The following CFAP20DC variants were observed in gnomAD, a reference collection of about 807,000 sequenced individuals.
CFAP20DC encodes the protein CFAP20 domain containing.
A neutral mutation model predicts 101.7 loss-of-function variants in CFAP20DC; 84 were observed. That is an observed-to-expected ratio of 0.83 (90% CI 0.69 to 0.99). The LOEUF (loss-of-function observed/expected upper bound fraction) is 0.99. CFAP20DC is among the 50% of genes least tolerant of loss of function. CFAP20DC has a pLI of 0.00. For missense variants in CFAP20DC, 1,007 were observed against 970.3 expected (o/e 1.04, Z -0.50); for synonymous variants, 359 against 351.2 (o/e 1.02, Z -0.25).
At chr3:58,773,794 T>C (rs1175411786) in intron 15 of CFAP20DC, among the ~76,000 whole-genome samples, 2 of 152,224 alleles carry the variant, frequency 1.3e-5, no homozygotes, top group African/African-American at 2.4e-5. Context: ...CCTGGGCTGA[T>C]ATCTGCAATG....
At chr3:58,768,432 C>G (rs187250499) in intron 15 of CFAP20DC, among the ~76,000 whole-genome samples, 2 of 152,110 alleles carry the variant, frequency 1.3e-5, no homozygotes, top group Non-Finnish European at 2.9e-5. Flanking sequence ...TGGTTTAACA[C>G]GAGCGGGAAT....
At position 58,914,822 on chromosome 3, in the gene CFAP20DC, A is replaced by G. The variant is rs923199627; in HGVS notation, c.394-958T>C. 6.6e-6 allele frequency: 1 copy of G among 152,140 alleles called. No individual in the cohort carries two copies. Among genetic ancestry groups the G allele is most frequent in the Non-Finnish European group, 1.5e-5 (1 of 68,014 alleles). 9.4% of individuals were successfully genotyped at this position (152,140 alleles called of 1,614,324 possible). A position where few individuals can be genotyped will look rare whatever the true frequency, so the allele number is the denominator to read the frequency against. On this transcript the variant is annotated intron_variant, in intron 5 of 16. Transcript: ENST00000482387. The surrounding 1 kb of genome is among the most constrained non-coding windows in gnomAD (Gnocchi z 4.9). ...CCGAAATACATTATTTATTAAATAC[A>G]TGAAGAGTATTTTCTATGTAGATGT...
At position 59,024,114 on chromosome 3, in the gene CFAP20DC, C is replaced by G. The variant is rs114554039; in HGVS notation, c.278+15443G>C. On this transcript the variant is annotated intron_variant, in intron 4 of 16. Coordinates refer to ENST00000482387, the MANE Select transcript of CFAP20DC (RefSeq NM_001394063.1). ...AAATTCTAAATGTATTACTACCTTG[C>G]CAATTTTAGGCCACCCATATCTTCA... Among the ~76,000 whole-genome samples the G allele has an allele frequency of 5.5e-3, 840 of 152,142 alleles. 4 individuals are homozygous for G. The highest frequency in any genetic ancestry group is 0.02 in the African/African-American group (811 of 41,532).
At chr3:58,853,479 T>C (rs1211920140) in intron 12 of CFAP20DC, among the ~76,000 whole-genome samples, 3 of 152,172 alleles carry the variant, frequency 2.0e-5, no homozygotes, top group African/African-American at 7.2e-5. Flanking sequence ...CCCTAAATCA[T>C]TTTATGAGGC....
chr3:58,743,717 G>GGGA (rs2068007668), intron 16 of CFAP20DC, among the ~76,000 whole-genome samples: 1 of 152,182 alleles, frequency 6.6e-6, no homozygotes, highest in East Asian at 1.9e-4. Flanking sequence ...CCTAGAGGAA[G>GGGA]GGAGGATGGT....
At chr3:58,798,642 A>G (rs1325657298) in intron 15 of CFAP20DC, among the ~76,000 whole-genome samples, 1 of 152,212 alleles carries the variant, frequency 6.6e-6, no homozygotes, top group African/African-American at 2.4e-5. Flanking sequence ...ACTGTGGGTA[A>G]AATGCCATCA....
chr3:58,803,859 A>G (rs1378815396), intron 15 of CFAP20DC, among the ~76,000 whole-genome samples: 1 of 152,110 alleles, frequency 6.6e-6, no homozygotes, highest in Non-Finnish European at 1.5e-5. Flanking sequence ...AAATAAATAA[A>G]CATTTAATTG....
At chr3:58,963,877 C>T (rs2091345975) in intron 4 of CFAP20DC, among the ~76,000 whole-genome samples, 1 of 152,146 alleles carries the variant, frequency 6.6e-6, no homozygotes, top group Non-Finnish European at 1.5e-5. Context: ...CTCACTATAA[C>T]CCCTCCCTTT....
At chr3:58,813,884 A>G (rs1208966969) in intron 14 of CFAP20DC, among the ~76,000 whole-genome samples, 2 of 152,088 alleles carry the variant, frequency 1.3e-5, no homozygotes, top group East Asian at 3.9e-4. Flanking sequence ...CATAAGACAT[A>G]TTTGATCTCA....
chr3:58,862,408 A>T (rs1207315297), intron 12 of CFAP20DC: 1 of 985,302 alleles, frequency 1.0e-6, no homozygotes, highest in Non-Finnish European at 1.2e-6. Context: ...CAACACTTAA[A>T]ATGCTAGCAT....
chr3:58,831,921 C>T (rs775517917), intron 13 of CFAP20DC, 32 bp from the exon 14 acceptor site: 1 of 1,588,624 alleles, frequency 6.3e-7, no homozygotes, highest in East Asian at 2.2e-5. Flanking sequence ...AACAAAGGGT[C>T]ATTTGGCCTA....
chr3:58,928,609 G>A (rs1013037337), intron 5 of CFAP20DC, among the ~76,000 whole-genome samples: 3 of 152,130 alleles, frequency 2.0e-5, no homozygotes, highest in Non-Finnish European at 2.9e-5. Flanking sequence ...TGTTATATAT[G>A]TAATAAAATA....
At chr3:58,770,445 G>GT (rs1284961973) in intron 15 of CFAP20DC, among the ~76,000 whole-genome samples, 6 of 152,222 alleles carry the variant, frequency 3.9e-5, no homozygotes, top group Admixed American at 3.3e-4. Context: ...AGAGAGTGAA[G>GT]TAAGTGTTAG....
chr3:58,818,842 T>C (rs955698791), intron 14 of CFAP20DC, among the ~76,000 whole-genome samples: 5 of 130,264 alleles, frequency 3.8e-5, no homozygotes, highest in Non-Finnish European at 6.4e-5. Context: ...ATATACATTT[T>C]TTTCAGCACC....
At chr3:59,022,305 T>A (rs1290052636) in intron 4 of CFAP20DC, among the ~76,000 whole-genome samples, 1 of 152,044 alleles carries the variant, frequency 6.6e-6, no homozygotes, top group Non-Finnish European at 1.5e-5. Flanking sequence ...AGAAACTGCA[T>A]CCTGAGAGAT....
chr3:59,018,349 T>C (rs908450067), intron 4 of CFAP20DC: 5 of 152,114 alleles, frequency 3.3e-5, no homozygotes, highest in Non-Finnish European at 7.4e-5. Flanking sequence ...AGGAAGAAGA[T>C]ATTTATAAAG....
intron 4 of CFAP20DC, among the ~76,000 whole-genome samples, chr3:59,009,290 A>C (rs1442492826): frequency 6.6e-6 from 1 of 152,192 alleles, no homozygotes; most frequent in Non-Finnish European, 1.5e-5. Flanking sequence ...TACCCCAAAA[A>C]GATCACACTA....
chr3:58,966,724 C>T (rs2091570307), intron 4 of CFAP20DC, among the ~76,000 whole-genome samples: 1 of 151,812 alleles, frequency 6.6e-6, no homozygotes, highest in Non-Finnish European at 1.5e-5. Flanking sequence ...GGGGTTTCAG[C>T]ATGTTGGCCA....
intron 3 of CFAP20DC, among the ~76,000 whole-genome samples, chr3:59,043,877 T>C (rs1699631564): frequency 6.6e-6 from 1 of 152,186 alleles, no homozygotes; most frequent in Non-Finnish European, 1.5e-5. Context: ...CAAATTGTCA[T>C]AGTTTCATAG....
Sources: allele counts gnomAD v4.1 joint callset (sites outside exome capture counted in the v4.1 genomes callset), GRCh38; gene constraint gnomAD v4.1.1; non-coding constraint Gnocchi (gnomAD v3.1); transcripts MANE v1.5; gene names NCBI Gene and HGNC (gene_info 2026-07-23, HGNC 2026-07-21).